Variants in XRCC5 observed in about 807,000 individuals in gnomAD.
The protein encoded by XRCC5 is X-ray repair cross complementing 5, also known as DNA repair protein Ku80.
In XRCC5, 12 loss-of-function variants were observed where a neutral mutation model predicts 95.7. The ratio of observed to expected loss-of-function variants is 0.13; its 90% CI spans 0.08 to 0.20. The LOEUF is 0.20. Ranked by LOEUF, XRCC5 falls within the 10% of genes least tolerant of loss-of-function variation. The probability of loss-of-function intolerance (pLI) is 1.00; values close to 1 mark genes in which losing one functional copy is unlikely to be tolerated. For missense variants in XRCC5, 595 were observed against 873.9 expected, an observed-to-expected ratio of 0.68 and a Z score of 4.02; for synonymous variants, 281 against 290.3, an observed-to-expected ratio of 0.97 and a Z score of 0.33.
chr2:216,186,323 T>C (rs1295667001), intron 16 of XRCC5, among the ~76,000 whole-genome samples: 1 of 152,234 alleles, frequency 6.6e-6, no homozygotes, highest in African/African-American at 2.4e-5. Context: ...GTCCATTTTA[T>C]AGGACTTTGG....
intron 8 of XRCC5, chr2:216,128,103 T>C (rs1696924579): frequency 6.5e-6 from 1 of 153,092 alleles, no homozygotes; most frequent in African/African-American, 2.4e-5. Context: ...TGAAAATTAT[T>C]TGTATTTATT....
chr2:216,130,059 C>A (rs946029232), intron 8 of XRCC5, among the ~76,000 whole-genome samples: 14 of 152,070 alleles, frequency 9.2e-5, no homozygotes, highest in Non-Finnish European at 1.5e-5. Context: ...GAATCTGTCC[C>A]TGGATATGAA....
intron 14 of XRCC5, chr2:216,156,192 T>C (rs1217301341): frequency 5.0e-6 from 2 of 397,450 alleles, no homozygotes; most frequent in African/African-American, 4.2e-5. Context: ...AGAACATTTG[T>C]ATATCCTTCC....
chr2:216,119,216 T>G (rs1210698212), intron 5 of XRCC5, 51 bp downstream of exon 5: 1 of 1,603,440 alleles, frequency 6.2e-7, no homozygotes, highest in Non-Finnish European at 8.5e-7. Flanking sequence ...TTTCCTAATA[T>G]AGTGAATGGG....
Position 216,190,248 on chromosome 2 carries a change from A to G in XRCC5, c.1858A>G (p.Ile620Val), listed in dbSNP as rs1212831539. 4 of 1,613,956 alleles carry G rather than the reference A, an allele frequency of 2.5e-6. No homozygotes were observed. Among genetic ancestry groups the G allele is most frequent in the Non-Finnish European group, 3.4e-6 (4 of 1,179,936 alleles). Reference protein sequence around the residue: ...EEASNQLINHIEQFLDTNETP... With the variant: ...EEASNQLINHVEQFLDTNETP... ...AGCGAGTAACCAGCTCATAAATCAC[A>G]TCGAACAGTTTTTGGATACTAATGA... The change falls in exon 17 of 21, where the codon ATC becomes GTC. Residue 620 changes from isoleucine (I) to valine (V), a missense_variant. Physicochemically the swap from Ile to Val is conservative, Grantham distance 29 (BLOSUM62 3). Around this residue, in one of 2 missense-constraint regions of XRCC5, gnomAD observed 309 missense variants for 382.9 expected, o/e 0.81. Transcript: ENST00000392132.
At chr2:216,194,809 T>A in intron 18 of XRCC5, 110 bp from the exon 19 acceptor site, 1 of 1,043,814 alleles carries the variant, frequency 9.6e-7, no homozygotes, top group Non-Finnish European at 1.5e-6. Flanking sequence ...TGTCTCTATT[T>A]AAAAAAAAGA....
chr2:216,194,978 G>T lies in XRCC5; in HGVS notation c.2101G>T (p.Ala701Ser). The change falls in exon 19 of 21, where the codon GCC becomes TCC. Residue 701 changes from alanine (A) to serine (S), a missense_variant. By Grantham distance (99) the Ala-to-Ser change is moderately conservative. Around this residue, in one of 2 missense-constraint regions of XRCC5, gnomAD observed 309 missense variants for 382.9 expected, o/e 0.81. Transcript: ENST00000392132. ...TGGAAGTTCTGTCACAGCTGAGGAA[G>T]CCAAAAAGGTATTGAGGGGTAAACC... is the stretch of plus-strand genomic sequence containing the variant. ...ASGSSVTAEE[A>S]KKFLAPKDKP... 6.2e-7 allele frequency: 1 copy of T among 1,614,030 alleles called. No homozygotes were observed. Among genetic ancestry groups the T allele is most frequent in the Non-Finnish European group, 8.5e-7 (1 of 1,179,936 alleles).
At chr2:216,150,615 A>G (rs915981916) in intron 14 of XRCC5, among the ~76,000 whole-genome samples, 9 of 152,170 alleles carry the variant, frequency 5.9e-5, no homozygotes, top group African/African-American at 2.2e-4. Context: ...ATTTGCATAT[A>G]TAAACGTATC....
At chr2:216,155,762 C>T (rs1254541863) in intron 14 of XRCC5, among the ~76,000 whole-genome samples, 3 of 152,118 alleles carry the variant, frequency 2.0e-5, no homozygotes, top group African/African-American at 7.2e-5. Context: ...TAAAGCAGTA[C>T]TGTGTAACTT....
chr2:216,190,638 C>T (rs929766005), intron 17 of XRCC5, among the ~76,000 whole-genome samples: 2 of 152,044 alleles, frequency 1.3e-5, no homozygotes, highest in Non-Finnish European at 2.9e-5. Flanking sequence ...TCCATTATAA[C>T]CTCTGGTGGC....
At chr2:216,179,984 G>C (rs1468393562) in intron 16 of XRCC5, among the ~76,000 whole-genome samples, 1 of 152,196 alleles carries the variant, frequency 6.6e-6, no homozygotes, top group Non-Finnish European at 1.5e-5. Context: ...AAGTTTTGCT[G>C]ATCATTTGAA....
At chr2:216,162,504 C>T (rs539165673) in intron 16 of XRCC5, among the ~76,000 whole-genome samples, 4 of 151,438 alleles carry the variant, frequency 2.6e-5, no homozygotes, top group African/African-American at 7.3e-5. Flanking sequence ...CGAGTTGAAG[C>T]GATTCTCCTA....
chr2:216,154,280 G>A (rs1480414331), intron 14 of XRCC5, among the ~76,000 whole-genome samples: 1 of 152,174 alleles, frequency 6.6e-6, no homozygotes, highest in African/African-American at 2.4e-5. Flanking sequence ...TTTACTGTGT[G>A]CTTTAAACAA....
rs750525866 is a variant in XRCC5 at position 216,126,324 on chromosome 2, GAA to G, written c.798+296_798+297del. Among the ~76,000 whole-genome samples the G allele has an allele frequency of 5.3e-4, 81 of 152,202 alleles. No homozygotes were observed. The Middle Eastern group carries it at 0.01, about 19-fold the overall frequency. ...GCCTGTCTCTTTTTTTTAAAAGAAA[GAA>G]AATGAAATGCATTAAGCTGTGTTAT... On this transcript the variant is annotated intron_variant, in intron 7 of 20. Coordinates refer to ENST00000392132, the MANE Select transcript of XRCC5 (RefSeq NM_021141.4).
intron 14 of XRCC5, 63 bp downstream of exon 14, chr2:216,148,339 T>A: frequency 6.7e-7 from 1 of 1,494,996 alleles, no homozygotes; most frequent in Non-Finnish European, 9.0e-7. Flanking sequence ...CATTTTAGAG[T>A]GGCTCTGGAA....
intron 16 of XRCC5, among the ~76,000 whole-genome samples, chr2:216,172,470 T>TTTC (rs2106034253): frequency 2.2e-5 from 1 of 45,004 alleles, no homozygotes; most frequent in African/African-American, 1.3e-4. Context: ...TTTTCTTTTC[T>TTTC]TTTTTTTTTT....
chr2:216,166,358 G>A (rs540814339), intron 16 of XRCC5, among the ~76,000 whole-genome samples: 1 of 152,310 alleles, frequency 6.6e-6, no homozygotes, highest in East Asian at 1.9e-4. Context: ...CTGAGTTCAA[G>A]CGATCTGCCT....
chr2:216,198,191 C>T (rs934726742), intron 19 of XRCC5, among the ~76,000 whole-genome samples: 11 of 152,232 alleles, frequency 7.2e-5, no homozygotes, highest in South Asian at 6.2e-4. Context: ...ACCAGACCTT[C>T]GTTTTCAAGT....
At chr2:216,156,003 T>C (rs1344500408) in intron 14 of XRCC5, among the ~76,000 whole-genome samples, 4 of 152,142 alleles carry the variant, frequency 2.6e-5, no homozygotes, top group Admixed American at 1.3e-4. Flanking sequence ...ACCCTTCTTA[T>C]AGACGAAGAA....
Sources: gnomAD v4.1 joint callset for allele counts (sites outside exome capture counted in the v4.1 genomes callset) on GRCh38, gnomAD v4.1.1 for gene constraint, gnomAD v4.1.1 regional missense constraint, MANE v1.5 for transcripts, NCBI Gene and HGNC (gene_info 2026-07-23, HGNC 2026-07-21) for gene names.